CADM1: variants seen among roughly 807,000 people sequenced by gnomAD.
CADM1 encodes cell adhesion molecule 1.
CADM1 carries 15 observed loss-of-function variants against 53.1 expected under a neutral mutation model. The ratio of observed to expected loss-of-function variants is 0.28; its 90% CI spans 0.19 to 0.44. The LOEUF is 0.44. Among genes scored for constraint, CADM1 ranks in the 20% least tolerant of loss-of-function variants. The pLI is 1.00. For missense variants in CADM1, 434 were observed against 611.3 expected (o/e 0.71, Z 3.06); for synonymous variants, 281 against 243.0 (o/e 1.16, Z -1.45).
intron 1 of CADM1, among the ~76,000 whole-genome samples, chr11:115,289,596 T>C (rs1335677120): frequency 1.1e-5 from 1 of 87,112 alleles, no homozygotes; most frequent in African/African-American, 6.8e-5. Flanking sequence ...TTTTTTTCTT[T>C]TTTTTTTTTT....
intron 1 of CADM1, among the ~76,000 whole-genome samples, chr11:115,485,716 G>A (rs1247503231): frequency 6.6e-6 from 1 of 152,192 alleles, no homozygotes; most frequent in Non-Finnish European, 1.5e-5. Context: ...ATGGAACTGT[G>A]AGTCCATTAA....
intron 1 of CADM1, among the ~76,000 whole-genome samples, chr11:115,382,622 G>C (rs1408454312): frequency 6.6e-6 from 1 of 152,052 alleles, no homozygotes; most frequent in Non-Finnish European, 1.5e-5. Flanking sequence ...TGGCATGTTA[G>C]AGATTTTATG....
intron 1 of CADM1, among the ~76,000 whole-genome samples, chr11:115,308,725 TTCCC>T (rs1490515484): frequency 1.3e-5 from 2 of 151,586 alleles, no homozygotes; most frequent in African/African-American, 2.4e-5. Flanking sequence ...TTTTCCTTCC[TTCCC>T]TCCCTCCCTT....
intron 1 of CADM1, among the ~76,000 whole-genome samples, chr11:115,249,779 A>G (rs978095274): frequency 4.2e-4 from 64 of 152,296 alleles, no homozygotes; most frequent in African/African-American, 1.5e-3. Flanking sequence ...AAATTAAGGA[A>G]AAATTTAGGA....
chr11:115,263,146 C>G (rs879564481), intron 1 of CADM1, among the ~76,000 whole-genome samples: 3 of 152,236 alleles, frequency 2.0e-5, no homozygotes, highest in Admixed American at 2.0e-4. Flanking sequence ...ACGTCAAAGT[C>G]TTACTATTGG....
chr11:115,379,063 G>C (rs1032847304), intron 1 of CADM1, among the ~76,000 whole-genome samples: 9 of 152,184 alleles, frequency 5.9e-5, no homozygotes, highest in Non-Finnish European at 1.5e-5. Flanking sequence ...TAGCATGAGT[G>C]CTTACAAACT....
At chr11:115,207,890 C>G (rs1940772207) in intron 8 of CADM1, among the ~76,000 whole-genome samples, 1 of 152,204 alleles carries the variant, frequency 6.6e-6, no homozygotes, top group South Asian at 2.1e-4. Flanking sequence ...GGGCACTTCA[C>G]AAGAGTACGA....
At chr11:115,361,926 G>T (rs1946040266) in intron 1 of CADM1, among the ~76,000 whole-genome samples, 1 of 151,504 alleles carries the variant, frequency 6.6e-6, no homozygotes, top group Admixed American at 6.6e-5. Context: ...TTTTGGTAGA[G>T]TTGAAGTCTC....
chr11:115,233,182 C>T (rs1392691789), intron 3 of CADM1, among the ~76,000 whole-genome samples: 3 of 152,006 alleles, frequency 2.0e-5, no homozygotes, highest in Admixed American at 1.3e-4. Flanking sequence ...CCAAAGGATC[C>T]CTCTTCTTTG....
At chr11:115,351,944 C>T (rs915246296) in intron 1 of CADM1, among the ~76,000 whole-genome samples, 3 of 152,150 alleles carry the variant, frequency 2.0e-5, no homozygotes, top group African/African-American at 7.2e-5. Context: ...AATGACAGCT[C>T]AACCTCTGGA....
rs190214542 is a variant in CADM1 at position 115,237,060 on chromosome 11, G to A, written c.424+1440C>T. 4.5e-4 allele frequency among the ~76,000 whole-genome samples: 68 copies of A among 152,194 alleles called. No homozygotes were observed. The Middle Eastern group carries it at 0.02, about 46-fold the overall frequency. ...GCCATAAACGATGATGAGTCAAAGG[G>A]TGGATGAGTGGATAGTCAATTTGAA... On this transcript the variant is annotated intron_variant, in intron 3 of 11. Coordinates refer to ENST00000331581, the MANE Select transcript of CADM1 (RefSeq NM_001301043.2).
intron 1 of CADM1, among the ~76,000 whole-genome samples, chr11:115,449,768 T>C (rs1948531339): frequency 6.6e-6 from 1 of 152,196 alleles, no homozygotes; most frequent in Non-Finnish European, 1.5e-5. Flanking sequence ...AGAGGAATAT[T>C]TCAAAACAGC....
In CADM1 at chr11:115,171,977, T is replaced by A. The variant is rs184716624; in HGVS notation, c.*4497A>T. On this transcript the variant is annotated 3_prime_UTR_variant, in exon 12 of 12. Coordinates refer to ENST00000331581, the MANE Select transcript of CADM1 (RefSeq NM_001301043.2). ...TCGTTTTAGTCACCATTTGCCTCTA[T>A]CCTGTGACTGACATGTAATGAACAA... The A allele has an allele frequency of 7.6e-4, 116 of 152,350 alleles. No homozygotes were observed. The highest frequency in any genetic ancestry group is 2.6e-3 in the African/African-American group (108 of 41,564). 9.4% of individuals were successfully genotyped at this position (152,350 alleles called of 1,614,324 possible).
intron 1 of CADM1, among the ~76,000 whole-genome samples, chr11:115,385,045 C>T (rs892740326): frequency 2.6e-5 from 4 of 152,112 alleles, no homozygotes; most frequent in African/African-American, 9.7e-5. Context: ...GGATCACTCG[C>T]CTCCCTATAC....
intron 1 of CADM1, among the ~76,000 whole-genome samples, chr11:115,326,550 A>T (rs566512141): frequency 6.6e-6 from 1 of 152,296 alleles, no homozygotes; most frequent in Admixed American, 6.5e-5. Flanking sequence ...TATGAACTCA[A>T]TTTCCTATGT....
intron 1 of CADM1, among the ~76,000 whole-genome samples, chr11:115,313,793 T>C (rs1944590219): frequency 6.6e-6 from 1 of 152,108 alleles, no homozygotes; most frequent in Admixed American, 6.5e-5. Flanking sequence ...TTCCTCCTTC[T>C]GGGAAGCTGA....
chr11:115,415,174 A>C (rs1947561583), intron 1 of CADM1, among the ~76,000 whole-genome samples: 1 of 152,238 alleles, frequency 6.6e-6, no homozygotes, highest in South Asian at 2.1e-4. Flanking sequence ...TCATACCTGG[A>C]AAGTGAACTA....
At chr11:115,225,126 T>C (rs11215429) in intron 5 of CADM1, among the ~76,000 whole-genome samples, 4,744 of 152,250 alleles carry the variant, frequency 0.031, 111 homozygotes, top group Non-Finnish European at 0.046. Context: ...GAATGAAAGC[T>C]AGAAAACTAA....
chr11:115,207,150 T>A (rs867056152), intron 8 of CADM1, among the ~76,000 whole-genome samples: 1 of 152,126 alleles, frequency 6.6e-6, no homozygotes, highest in African/African-American at 2.4e-5. Flanking sequence ...AATTCTACAA[T>A]GTTGTGTTAG....
Sources: allele counts gnomAD v4.1 joint callset (sites outside exome capture counted in the v4.1 genomes callset), GRCh38; gene constraint gnomAD v4.1.1; transcripts MANE v1.5; gene names NCBI Gene and HGNC (gene_info 2026-07-23, HGNC 2026-07-21).